The following DNAAF10 variants were observed in gnomAD, a reference collection of about 807,000 sequenced individuals.
DNAAF10 encodes the protein dynein axonemal assembly factor 10, also known as WD repeat domain 92.
A neutral mutation model predicts 43.7 loss-of-function variants in DNAAF10; 28 were observed. The observed-to-expected ratio is 0.64, with a 90% CI of 0.48 to 0.88. DNAAF10 has a LOEUF of 0.88. Among genes scored for constraint, DNAAF10 ranks in the 40% least tolerant of loss-of-function variants. The pLI is 0.00. For synonymous variants in DNAAF10, 156 were observed against 157.3 expected, an observed-to-expected ratio of 0.99 and a Z score of 0.06; for missense variants, 403 against 439.1, an observed-to-expected ratio of 0.92 and a Z score of 0.73.
chr2:68,137,537 C>T, intron 5 of DNAAF10, 104 bp from the exon 6 acceptor site: 1 of 1,114,272 alleles, frequency 9.0e-7, no homozygotes, highest in Non-Finnish European at 1.2e-6. Context: ...AATGTGAAAG[C>T]ACTCCAACAA....
intron 1 of DNAAF10, among the ~76,000 whole-genome samples, chr2:68,151,901 A>G (rs537586377): frequency 6.6e-6 from 1 of 152,348 alleles, no homozygotes; most frequent in South Asian, 2.1e-4. Flanking sequence ...CACTTTCAAG[A>G]TGACGAAACA....
At chr2:68,137,222 T>C (rs538494269) in intron 6 of DNAAF10, 77 bp downstream of exon 6, 3 of 1,453,084 alleles carry the variant, frequency 2.1e-6, no homozygotes, top group Admixed American at 4.9e-5. Flanking sequence ...GGAAGAAACC[T>C]TGGTGACTAA....
intron 4 of DNAAF10, among the ~76,000 whole-genome samples, 200 bp downstream of exon 4, chr2:68,141,493 AG>A (rs1673179069): frequency 6.6e-6 from 1 of 152,264 alleles, no homozygotes; most frequent in African/African-American, 2.4e-5. Context: ...AACTTGCTCC[AG>A]GCCACATGGC....
At chr2:68,131,494 C>T in intron 7 of DNAAF10, 49 bp from the exon 8 acceptor site, 1 of 1,408,612 alleles carries the variant, frequency 7.1e-7, no homozygotes, top group Non-Finnish European at 9.8e-7. Context: ...TAGCTTTCAC[C>T]ATTTTATTTT....
intron 7 of DNAAF10, among the ~76,000 whole-genome samples, chr2:68,133,433 G>T (rs1392710463): frequency 2.0e-5 from 3 of 151,946 alleles, no homozygotes; most frequent in Admixed American, 2.0e-4. Flanking sequence ...ACCCGGTTTT[G>T]CCATAATCAT....
intron 1 of DNAAF10, among the ~76,000 whole-genome samples, chr2:68,150,932 CA>C (rs987552575): frequency 1.3e-5 from 2 of 152,028 alleles, no homozygotes; most frequent in African/African-American, 4.8e-5. Flanking sequence ...TATGGTGTTC[CA>C]AAAACAGCAC....
intron 4 of DNAAF10, 145 bp downstream of exon 4, chr2:68,141,549 A>T: frequency 2.9e-6 from 2 of 688,582 alleles, no homozygotes; most frequent in Non-Finnish European, 4.6e-6. Context: ...CCAGAGGCTG[A>T]CATTAACCAC....
At position 68,157,278 on chromosome 2, in the gene DNAAF10, G is replaced by A. The variant is rs1442052312; in HGVS notation, c.166C>T (p.Leu56=). 3 of 1,613,866 alleles carry A rather than the reference G, an allele frequency of 1.9e-6. No homozygotes were observed. Among genetic ancestry groups the A allele is most frequent in the Non-Finnish European group, 1.7e-6 (2 of 1,179,854 alleles). The change falls in exon 1 of 8, where the codon CTG becomes TTG. Residue 56 remains leucine, a synonymous_variant. Coordinates refer to ENST00000295121, the MANE Select transcript of DNAAF10 (RefSeq NM_138458.4). ...GCACCCACCTCCCGAAGCAGCTTCA[G>A]GTCCCCGTGCTGGATCTCGTACAGC... ...IQLYEIQHGD[L]KLLREIEKAK... is the part of the protein sequence containing the mutation.
intron 1 of DNAAF10, among the ~76,000 whole-genome samples, chr2:68,151,136 C>G (rs1275571230): frequency 6.6e-6 from 1 of 152,238 alleles, no homozygotes; most frequent in Non-Finnish European, 1.5e-5. Context: ...TTGAGAAGCA[C>G]AGACTCACAA....
chr2:68,155,685 T>C (rs1673580899), intron 1 of DNAAF10, among the ~76,000 whole-genome samples: 1 of 151,728 alleles, frequency 6.6e-6, no homozygotes, highest in Admixed American at 6.6e-5. Context: ...AGCTACGCCA[T>C]CCCTAAACAA....
intron 5 of DNAAF10, among the ~76,000 whole-genome samples, chr2:68,138,161 CAA>C: frequency 6.6e-6 from 1 of 151,842 alleles, no homozygotes. Flanking sequence ...GGCGACAGAG[CAA>C]GACTCCATCT....
chr2:68,157,340 G>A lies in DNAAF10; in HGVS notation c.104C>T (p.Thr35Ile), dbSNP rs1411075684. The A allele has an allele frequency of 3.7e-6, 6 of 1,614,174 alleles. No homozygotes were observed. The highest frequency in any genetic ancestry group is 1.1e-5 in the South Asian group (1 of 91,084). Residue 35 changes from threonine (T) to isoleucine (I), a missense_variant, in exon 1 of 8, where the codon ACC becomes ATC. Transcript: ENST00000295121. ...GGTGCCCCGTGCGAAGTTGCCCATG[G>A]TCACAAATTTGGCGCTGCAGGGCAC... ...KWVPCSAKFV[T>I]MGNFARGTGV...
rs1033488898 is a variant in DNAAF10, at chr2:68,131,422, T to C, written c.890A>G (p.Lys297Arg). The C allele has an allele frequency of 1.2e-6, 2 of 1,614,076 alleles. No individual in the cohort carries two copies. The highest frequency in any genetic ancestry group is 1.3e-5 in the African/African-American group (1 of 74,936). Residue 297 changes from lysine (K) to arginine (R), a missense_variant, in exon 8 of 8, where the codon AAG becomes AGG. By Grantham distance (26) the Lys-to-Arg change is conservative (BLOSUM62 2). Transcript: ENST00000295121. ...WKYEYPIQRS[K>R]KDSEGIEMGV... ...CATTTCTATTCCCTCAGAATCTTTC[T>C]TTGACCGCTGAATAGGGTATTCACT...
chr2:68,137,581 T>C, intron 5 of DNAAF10, 148 bp from the exon 6 acceptor site: 2 of 887,146 alleles, frequency 2.3e-6, no homozygotes, highest in Non-Finnish European at 3.1e-6. Flanking sequence ...ATAAAAATTT[T>C]TTTCCAGCCA....
chr2:68,134,322 G>C (rs1219824167), intron 7 of DNAAF10: 1 of 1,024,276 alleles, frequency 9.8e-7, no homozygotes, highest in Non-Finnish European at 1.2e-6. Flanking sequence ...AGCAGCCTCA[G>C]GCTCTGTTGG....
At chr2:68,131,524 C>T (rs1672931409) in intron 7 of DNAAF10, 79 bp from the exon 8 acceptor site, 1 of 1,342,034 alleles carries the variant, frequency 7.5e-7, no homozygotes, top group African/African-American at 1.5e-5. Flanking sequence ...ACTTCAATGA[C>T]TCTATTTCTC....
chr2:68,134,540 T>C, intron 7 of DNAAF10, 162 bp downstream of exon 7: 1 of 1,480,814 alleles, frequency 6.8e-7, no homozygotes, highest in Non-Finnish European at 8.9e-7. Context: ...AGTATATTCA[T>C]ACAAAATGCT....
chr2:68,156,368 A>T (rs1673612064), intron 1 of DNAAF10, among the ~76,000 whole-genome samples: 1 of 152,126 alleles, frequency 6.6e-6, no homozygotes, highest in South Asian at 2.1e-4. Context: ...CCTACCCTGC[A>T]CTTGTAGTCT....
At chr2:68,137,093 CTT>C (rs1673060744) in intron 6 of DNAAF10, among the ~76,000 whole-genome samples, 1 of 152,156 alleles carries the variant, frequency 6.6e-6, no homozygotes, top group Non-Finnish European at 1.5e-5. Context: ...TACCTGAGAT[CTT>C]TATTATAATC....
Sources: gnomAD v4.1 joint callset for allele counts (sites outside exome capture counted in the v4.1 genomes callset) on GRCh38, gnomAD v4.1.1 for gene constraint, MANE v1.5 for transcripts, NCBI Gene and HGNC (gene_info 2026-07-23, HGNC 2026-07-21) for gene names.